Variants in RAB28 observed in about 807,000 individuals in gnomAD.
The protein encoded by RAB28 is ras-related protein Rab-28.
In RAB28, 24 loss-of-function variants were observed where a neutral mutation model predicts 31.7. The ratio of observed to expected loss-of-function variants is 0.76; its 90% CI spans 0.55 to 1.06. The LOEUF is 1.06. Ranked by LOEUF, RAB28 falls within the 50% of genes least tolerant of loss-of-function variation. The probability of loss-of-function intolerance (pLI) is 0.00; values close to 1 mark genes in which losing one functional copy is unlikely to be tolerated. For synonymous variants in RAB28, 100 were observed against 90.4 expected (o/e 1.11, Z -0.60); for missense variants, 254 against 258.5 (o/e 0.98, Z 0.12).
chr4:13,463,963 A>G (rs989377056), intron 3 of RAB28, among the ~76,000 whole-genome samples: 3 of 152,130 alleles, frequency 2.0e-5, no homozygotes, highest in Non-Finnish European at 4.4e-5. Flanking sequence ...AAAATCAGTG[A>G]CTTTTCTTGG....
At chr4:13,368,722 T>C (rs1728607756) in intron 6 of RAB28, 72 bp from the exon 7 acceptor site, 1 of 1,350,786 alleles carries the variant, frequency 7.4e-7, no homozygotes. Context: ...AAGTATATTT[T>C]TATTTTCTGA....
chr4:13,420,283 A>C (rs981162107), intron 4 of RAB28, among the ~76,000 whole-genome samples: 25 of 152,196 alleles, frequency 1.6e-4, no homozygotes, highest in African/African-American at 6.0e-4. Flanking sequence ...CCAACCAAAA[A>C]AAGGCCAGGA....
chr4:13,466,858 GAA>G (rs1428971803), intron 3 of RAB28, among the ~76,000 whole-genome samples: 2 of 151,748 alleles, frequency 1.3e-5, no homozygotes, highest in Admixed American at 1.3e-4. Context: ...CTAAAAAAAG[GAA>G]AAGTCTCTCA....
chr4:13,390,465 A>C (rs566634974), intron 4 of RAB28, among the ~76,000 whole-genome samples: 1 of 152,306 alleles, frequency 6.6e-6, no homozygotes, highest in African/African-American at 2.4e-5. Flanking sequence ...AGGAAGAATC[A>C]ATATCATGAA....
At chr4:13,378,821 G>C (rs915776716) in intron 5 of RAB28, among the ~76,000 whole-genome samples, 1 of 152,106 alleles carries the variant, frequency 6.6e-6, no homozygotes, top group African/African-American at 2.4e-5. Context: ...GTTGTCTTCT[G>C]TTTGTTTCAA....
intron 1 of RAB28, among the ~76,000 whole-genome samples, chr4:13,479,780 T>C (rs1277003657): frequency 6.6e-6 from 1 of 151,462 alleles, no homozygotes; most frequent in Non-Finnish European, 1.5e-5. Flanking sequence ...CAAGATCCTT[T>C]TCCTTGCTGA....
chr4:13,456,095 CTT>C (rs1371614788), intron 4 of RAB28, among the ~76,000 whole-genome samples: 2 of 152,194 alleles, frequency 1.3e-5, no homozygotes, highest in East Asian at 1.9e-4. Flanking sequence ...TAAAGACTCT[CTT>C]TGTCTCAACC....
At chr4:13,456,857 C>T (rs1255919927) in intron 4 of RAB28, among the ~76,000 whole-genome samples, 1 of 152,096 alleles carries the variant, frequency 6.6e-6, no homozygotes, top group Non-Finnish European at 1.5e-5. Flanking sequence ...GATAGTTAAC[C>T]ATAAAATTTA....
Position 13,476,306 on chromosome 4 carries a change from T to C in RAB28, c.173-1900A>G, listed in dbSNP as rs149285405. 2.8e-4 allele frequency among the ~76,000 whole-genome samples: 43 copies of C among 151,588 alleles called. No homozygotes were observed. The East Asian group carries it at 8.3e-3, about 29-fold the overall frequency. On this transcript the variant is annotated intron_variant, in intron 2 of 6. Transcript: ENST00000330852. The stretch of plus-strand genomic sequence containing the variant: ...TGTCTCCCATCTAAGAGGTTCATAG[T>C]CATGTGTTGAGGATACTTTTTAAAT...
intron 4 of RAB28, among the ~76,000 whole-genome samples, chr4:13,421,593 A>G (rs919888479): frequency 6.6e-6 from 1 of 152,222 alleles, no homozygotes; most frequent in East Asian, 1.9e-4. Flanking sequence ...CTCAGAAACA[A>G]CACCACACAT....
intron 4 of RAB28, among the ~76,000 whole-genome samples, chr4:13,411,415 T>C (rs1229585652): frequency 6.6e-6 from 1 of 152,152 alleles, no homozygotes; most frequent in Non-Finnish European, 1.5e-5. Flanking sequence ...CCCAGTGATA[T>C]GTGATATGAT....
intron 4 of RAB28, among the ~76,000 whole-genome samples, chr4:13,385,451 G>A (rs1420232002): frequency 6.6e-6 from 1 of 152,156 alleles, no homozygotes; most frequent in Non-Finnish European, 1.5e-5. Flanking sequence ...AGCAGCTAGA[G>A]AGAAGGGTCA....
At chr4:13,450,316 AAAT>A (rs1346661048) in intron 4 of RAB28, among the ~76,000 whole-genome samples, 1 of 151,880 alleles carries the variant, frequency 6.6e-6, no homozygotes, top group Non-Finnish European at 1.5e-5. Context: ...AAAATCCATG[AAAT>A]TTTATTTCAA....
intron 3 of RAB28, among the ~76,000 whole-genome samples, chr4:13,468,538 T>C (rs560916820): frequency 1.3e-5 from 2 of 151,128 alleles, no homozygotes; most frequent in Admixed American, 6.6e-5. Flanking sequence ...AAAAAACATA[T>C]GCAACCTACC....
At chr4:13,371,654 A>G in intron 6 of RAB28, 1 of 1,467,124 alleles carries the variant, frequency 6.8e-7, no homozygotes, top group East Asian at 2.5e-5. Context: ...GGCTCTGCAG[A>G]TTCCAAATTT....
chr4:13,442,993 T>A (rs141745975), intron 4 of RAB28, among the ~76,000 whole-genome samples: 2 of 152,212 alleles, frequency 1.3e-5, no homozygotes, highest in African/African-American at 4.8e-5. Context: ...GAACATAGTA[T>A]AAAATAAATA....
intron 2 of RAB28, among the ~76,000 whole-genome samples, chr4:13,476,218 A>G (rs184335373): frequency 0.016 from 2,471 of 151,582 alleles, 29 homozygotes; most frequent in Non-Finnish European, 0.023. Flanking sequence ...CATGATCTTC[A>G]TTACATGTTT....
intron 4 of RAB28, among the ~76,000 whole-genome samples, chr4:13,388,345 T>C (rs896334721): frequency 9.2e-5 from 14 of 151,992 alleles, no homozygotes; most frequent in Non-Finnish European, 1.6e-4. Context: ...GACCTTTATC[T>C]TACACCACAC....
At chr4:13,410,355 G>T (rs184225112) in intron 4 of RAB28, among the ~76,000 whole-genome samples, 1 of 151,968 alleles carries the variant, frequency 6.6e-6, no homozygotes, top group African/African-American at 2.4e-5. Flanking sequence ...CTCCTACAAC[G>T]GATAAGGGTC....
Sources: allele counts gnomAD v4.1 joint callset (sites outside exome capture counted in the v4.1 genomes callset), GRCh38; gene constraint gnomAD v4.1.1; transcripts MANE v1.5; gene names NCBI Gene and HGNC (gene_info 2026-07-23, HGNC 2026-07-21).